AFTPH: variants seen among roughly 807,000 people sequenced by gnomAD.
AFTPH encodes the protein aftiphilin, also known as aftiphilin protein.
In AFTPH, 7 loss-of-function variants were observed where a neutral mutation model predicts 72.5. That is an observed-to-expected ratio of 0.10 (90% CI 0.05 to 0.18). The LOEUF (loss-of-function observed/expected upper bound fraction) is 0.18. Ranked by LOEUF, AFTPH falls within the 10% of genes least tolerant of loss-of-function variation. AFTPH has a pLI of 1.00. For missense variants in AFTPH, 979 were observed against 1,060.5 expected (o/e 0.92, Z 1.07); for synonymous variants, 337 against 370.1 (o/e 0.91, Z 1.03).
chr2:64,552,438 C>A, exon 2 of AFTPH: 1 of 1,614,078 alleles, frequency 6.2e-7, no homozygotes. Context: ...AACACTGCAA[C>A]AGGATGAATT....
Position 64,548,433 on chromosome 2 carries a change from A to AAAAAAAAAAAAAAAC in AFTPH, c.-32-3008_-32-3007insAAAAAAAAAAAACAA, listed in dbSNP as rs1243472946. ...AAAAAAAAAAAAAAAAAAAAAAAAA[A>AAAAAAAAAAAAAAAC]AACTTTAGAAAAAGGAATCCTGTAG... On this transcript the variant is annotated intron_variant, in intron 1 of 8. Coordinates refer to ENST00000238856, the Ensembl canonical transcript of AFTPH. Among the ~76,000 whole-genome samples, 30 of 102,602 alleles carry AAAAAAAAAAAAAAAC rather than the reference A, an allele frequency of 2.9e-4. 3 individuals are homozygous for AAAAAAAAAAAAAAAC. The highest frequency in any genetic ancestry group is 7.2e-4 in the South Asian group (2 of 2,762). 67.3% of individuals were successfully genotyped at this position (102,602 alleles called of 152,430 possible).
At chr2:64,547,906 C>T (rs1670748146) in intron 1 of AFTPH, among the ~76,000 whole-genome samples, 1 of 152,072 alleles carries the variant, frequency 6.6e-6, no homozygotes, top group South Asian at 2.1e-4. Flanking sequence ...CCACCTTAGC[C>T]TCCCAAGTAG....
chr2:64,527,080 A>G (rs1309288116), intron 1 of AFTPH, among the ~76,000 whole-genome samples: 1 of 152,220 alleles, frequency 6.6e-6, no homozygotes, highest in Non-Finnish European at 1.5e-5. Context: ...ACCAAGTCAG[A>G]CTAAAAGTGA....
At chr2:64,564,172 T>C (rs1197331588) in intron 2 of AFTPH, among the ~76,000 whole-genome samples, 1 of 152,232 alleles carries the variant, frequency 6.6e-6, no homozygotes. Flanking sequence ...TTTCTTGTTA[T>C]ATCATAATAT....
At chr2:64,589,041 T>G (rs1336588801) in intron 8 of AFTPH, among the ~76,000 whole-genome samples, 1 of 152,234 alleles carries the variant, frequency 6.6e-6, no homozygotes, top group African/African-American at 2.4e-5. Context: ...TAGTATTCTT[T>G]GACACACAAA....
At chr2:64,584,593 ATT>A (rs5831705) in intron 7 of AFTPH, among the ~76,000 whole-genome samples, 8 of 116,976 alleles carry the variant, frequency 6.8e-5, no homozygotes, top group Admixed American at 1.9e-4. Flanking sequence ...CTTAGTCATG[ATT>A]TTTTTTTTTT....
chr2:64,566,441 G>T (rs1258553166), intron 2 of AFTPH, among the ~76,000 whole-genome samples: 7 of 151,834 alleles, frequency 4.6e-5, no homozygotes, highest in African/African-American at 1.7e-4. Context: ...ATTTTCCTGG[G>T]TGCTCACTAC....
intron 2 of AFTPH, 134 bp from the exon 3 acceptor site, chr2:64,567,428 T>C: frequency 1.2e-6 from 1 of 832,616 alleles, no homozygotes; most frequent in East Asian, 2.8e-5. Flanking sequence ...TTCTTTTCAC[T>C]CAGTGTTTTC....
intron 1 of AFTPH, among the ~76,000 whole-genome samples, chr2:64,546,016 C>T (rs1435744588): frequency 6.6e-6 from 1 of 151,976 alleles, no homozygotes; most frequent in African/African-American, 2.4e-5. Context: ...CTTCATCCTC[C>T]CAAGTAGCTG....
intron 1 of AFTPH, among the ~76,000 whole-genome samples, chr2:64,532,752 G>A (rs748834277): frequency 6.6e-6 from 1 of 152,144 alleles, no homozygotes; most frequent in Non-Finnish European, 1.5e-5. Flanking sequence ...GAATCTGAGA[G>A]TCCAAGAATA....
intron 1 of AFTPH, among the ~76,000 whole-genome samples, chr2:64,540,136 G>C (rs1396259258): frequency 2.6e-5 from 4 of 152,134 alleles, no homozygotes; most frequent in Admixed American, 2.6e-4. Flanking sequence ...AGCAGTTTCT[G>C]CCTTTCAGAT....
intron 6 of AFTPH, among the ~76,000 whole-genome samples, chr2:64,573,444 A>G (rs900761643): frequency 1.3e-5 from 2 of 151,384 alleles, no homozygotes; most frequent in Admixed American, 6.6e-5. Context: ...AAAAAAAAAA[A>G]AAAGAAAAGA....
At chr2:64,528,904 A>G (rs1669438437) in intron 1 of AFTPH, among the ~76,000 whole-genome samples, 2 of 152,160 alleles carry the variant, frequency 1.3e-5, no homozygotes, top group Admixed American at 1.3e-4. Flanking sequence ...TTGTAAAAGG[A>G]TCTGTCTAGC....
Position 64,591,876 on chromosome 2 carries a change from A to G in AFTPH, c.2580-9A>G. 2 of 1,611,518 alleles carry G rather than the reference A, an allele frequency of 1.2e-6. No individual in the cohort carries two copies. On this transcript the variant is annotated splice_polypyrimidine_tract_variant and intron_variant, in intron 8 of 8. Coordinates refer to ENST00000238856, the Ensembl canonical transcript of AFTPH. ...ACATTAACACACTTGTCTTTTTTTC[A>G]TTTGTCAGTAGGAAACCGAAAAGAG...
chr2:64,527,655 A>G (rs927774545), intron 1 of AFTPH, among the ~76,000 whole-genome samples: 3 of 152,100 alleles, frequency 2.0e-5, no homozygotes, highest in African/African-American at 7.2e-5. Context: ...TTCTTTCAGC[A>G]TTGTATATTT....
chr2:64,529,332 ATTCC>A (rs962668314), intron 1 of AFTPH, among the ~76,000 whole-genome samples: 3 of 140,462 alleles, frequency 2.1e-5, no homozygotes, highest in African/African-American at 8.1e-5. Flanking sequence ...TTTTTTCACC[ATTCC>A]TTCTCTTCCC....
At chr2:64,552,065 A>G (rs1671080058) in exon 2 of AFTPH, 29 of 1,614,032 alleles carry the variant, frequency 1.8e-5, no homozygotes, top group African/African-American at 2.7e-5. Flanking sequence ...CTCAGGGAAC[A>G]GATGATCTGG....
intron 1 of AFTPH, among the ~76,000 whole-genome samples, chr2:64,532,322 A>G (rs905540685): frequency 3.3e-5 from 5 of 152,176 alleles, no homozygotes; most frequent in African/African-American, 4.8e-5. Context: ...AATGGTTTAA[A>G]GTCTTTGTTA....
chr2:64,542,779 A>G (rs1205978670), intron 1 of AFTPH, among the ~76,000 whole-genome samples: 1 of 151,218 alleles, frequency 6.6e-6, no homozygotes, highest in Non-Finnish European at 1.5e-5. Context: ...TCTTTCAGTG[A>G]CCTTTTAAAA....
Sources: allele counts gnomAD v4.1 joint callset (sites outside exome capture counted in the v4.1 genomes callset), GRCh38; gene constraint gnomAD v4.1.1; transcripts MANE v1.5; gene names NCBI Gene and HGNC (gene_info 2026-07-23, HGNC 2026-07-21).